MRAP2: variants seen among roughly 807,000 people sequenced by gnomAD.
The protein encoded by MRAP2 is melanocortin-2 receptor accessory protein 2.
A neutral mutation model predicts 17.4 loss-of-function variants in MRAP2; 20 were observed. The observed-to-expected ratio is 1.15, with a 90% CI of 0.81 to 1.67. MRAP2 has a LOEUF of 1.67. MRAP2 is among the 40% of genes most tolerant of loss of function. The pLI, the probability that MRAP2 is intolerant of heterozygous loss-of-function variation, is 0.00. For missense variants in MRAP2, 238 were observed against 240.0 expected (o/e 0.99, Z 0.05); for synonymous variants, 96 against 88.4 (o/e 1.09, Z -0.48).
intron 3 of MRAP2, among the ~76,000 whole-genome samples, chr6:84,077,764 C>A (rs955251648): frequency 3.3e-5 from 5 of 151,874 alleles, no homozygotes; most frequent in Non-Finnish European, 7.4e-5. Flanking sequence ...CAGTGGTGGT[C>A]TAACTGGATA....
intron 1 of MRAP2, chr6:84,052,934 A>G (rs2099490803): frequency 3.6e-6 from 1 of 280,364 alleles, no homozygotes; most frequent in Non-Finnish European, 5.4e-6. Flanking sequence ...TTTAGATGAA[A>G]GGGAATAGTG....
At chr6:84,043,124 T>G (rs2099488090) in intron 1 of MRAP2, among the ~76,000 whole-genome samples, 1 of 152,238 alleles carries the variant, frequency 6.6e-6, no homozygotes, top group East Asian at 1.9e-4. Flanking sequence ...TGCCAACTCT[T>G]TCAATAACTC....
chr6:84,127,150 T>C, the MRAP2 span, among the ~76,000 whole-genome samples: 3 of 152,128 alleles, frequency 2.0e-5, no homozygotes, highest in Non-Finnish European at 2.9e-5. Flanking sequence ...ATATTGAGCT[T>C]GGGAAAACAA....
At chr6:84,054,304 T>C (rs554869683) in intron 1 of MRAP2, among the ~76,000 whole-genome samples, 9 of 152,284 alleles carry the variant, frequency 5.9e-5, no homozygotes. Context: ...TCAAACACAG[T>C]TATTGAACAC....
At chr6:84,044,780 T>A (rs983945584) in intron 1 of MRAP2, among the ~76,000 whole-genome samples, 1 of 152,256 alleles carries the variant, frequency 6.6e-6, no homozygotes, top group Non-Finnish European at 1.5e-5. Flanking sequence ...CTTCAACATA[T>A]GGATGTTGGG....
the MRAP2 span, among the ~76,000 whole-genome samples, chr6:84,105,398 A>G: frequency 4.6e-5 from 7 of 152,304 alleles, no homozygotes; most frequent in South Asian, 2.1e-4. Context: ...TCTTACATGG[A>G]TGACAGCAGG....
chr6:84,091,018 G>A (rs2099501681), downstream of MRAP2: 1 of 152,058 alleles, frequency 6.6e-6, no homozygotes, highest in South Asian at 2.1e-4. Flanking sequence ...CTGGTGATCT[G>A]AGCCATGCAT....
chr6:84,062,281 T>C lies in MRAP2; in HGVS notation c.128-612T>C, dbSNP rs577533619. The C allele has an allele frequency of 3.3e-5, 8 of 241,716 alleles. No homozygotes were observed. In the South Asian group the frequency reaches 1.2e-3, roughly 37 times the overall value. The allele number at this position is 241,716 out of a possible 1,614,324, so 15.0% of individuals were successfully genotyped here. A position where few individuals can be genotyped will look rare whatever the true frequency, so the allele number is the denominator to read the frequency against. On this transcript the variant is annotated intron_variant, in intron 2 of 3. Transcript: ENST00000257776. ...ATCACAGCAGCTACACTTCAGGCAC[T>C]CCCAGGCAGACAGCTGTTCAAATGG...
chr6:84,130,491 C>A, the MRAP2 span, among the ~76,000 whole-genome samples: 1 of 152,072 alleles, frequency 6.6e-6, no homozygotes, highest in East Asian at 1.9e-4. Context: ...CAGTCCTGGA[C>A]TTTTTTTGGT....
chr6:84,062,872 C>T (rs768991711), intron 2 of MRAP2, 21 bp from the exon 3 acceptor site: 3 of 1,613,782 alleles, frequency 1.9e-6, no homozygotes, highest in South Asian at 2.2e-5. Flanking sequence ...AATACTAATC[C>T]CAGAATTAAC....
the MRAP2 span, among the ~76,000 whole-genome samples, chr6:84,098,141 A>G: frequency 6.6e-6 from 1 of 152,264 alleles, no homozygotes; most frequent in East Asian, 1.9e-4. Context: ...GAAACTACAG[A>G]TCTGCTTTGC....
chr6:84,085,276 G>C (rs1286313941), intron 3 of MRAP2, among the ~76,000 whole-genome samples: 1 of 152,010 alleles, frequency 6.6e-6, no homozygotes. Flanking sequence ...GGATGGTCTC[G>C]ATCTCCTGAC....
At chr6:84,083,559 A>C (rs1235033111) in intron 3 of MRAP2, among the ~76,000 whole-genome samples, 1 of 152,194 alleles carries the variant, frequency 6.6e-6, no homozygotes, top group Non-Finnish European at 1.5e-5. Flanking sequence ...TATCACCTTA[A>C]AACATCTAGT....
intron 3 of MRAP2, among the ~76,000 whole-genome samples, chr6:84,075,110 C>G (rs1588652333): frequency 6.6e-6 from 1 of 152,196 alleles, no homozygotes; most frequent in South Asian, 2.1e-4. Flanking sequence ...TGCAGCTGCC[C>G]TTTCCCCACC....
chr6:84,081,668 A>C (rs1273221855), intron 3 of MRAP2, among the ~76,000 whole-genome samples: 1 of 152,132 alleles, frequency 6.6e-6, no homozygotes, highest in Non-Finnish European at 1.5e-5. Flanking sequence ...AAAATACAAA[A>C]ATTAGCCGAG....
the MRAP2 span, among the ~76,000 whole-genome samples, chr6:84,144,181 T>C: frequency 6.6e-6 from 1 of 152,010 alleles, no homozygotes; most frequent in Non-Finnish European, 1.5e-5. Flanking sequence ...CTTTTACAAA[T>C]AGAGATGTCA....
the MRAP2 span, among the ~76,000 whole-genome samples, chr6:84,121,398 C>T: frequency 1.3e-5 from 2 of 152,158 alleles, no homozygotes; most frequent in Non-Finnish European, 2.9e-5. Context: ...AATCCAAGCA[C>T]TTTGGGAGGC....
At chr6:84,045,152 T>G in intron 1 of MRAP2, 3 of 937,038 alleles carry the variant, frequency 3.2e-6, no homozygotes, top group Non-Finnish European at 3.8e-6. Context: ...GATTTTGGTA[T>G]CTGAGAGGTC....
the MRAP2 span, among the ~76,000 whole-genome samples, chr6:84,116,410 A>G: frequency 6.6e-6 from 1 of 152,194 alleles, no homozygotes; most frequent in Admixed American, 6.5e-5. Flanking sequence ...GCCTGCTGCC[A>G]TGTAAGACAT....
Sources: allele counts gnomAD v4.1 joint callset (sites outside exome capture counted in the v4.1 genomes callset), GRCh38; gene constraint gnomAD v4.1.1; transcripts MANE v1.5; gene names NCBI Gene and HGNC (gene_info 2026-07-23, HGNC 2026-07-21).